The following ARHGEF6 variants were observed in gnomAD, a reference collection of about 807,000 sequenced individuals.
ARHGEF6 encodes the protein rho guanine nucleotide exchange factor 6.
Under a neutral mutation model 70.3 loss-of-function variants are expected in ARHGEF6, and 9 were observed. The observed-to-expected ratio is 0.13, with a 90% CI of 0.08 to 0.22. The LOEUF is 0.22. ARHGEF6 is among the 10% of genes least tolerant of loss of function. The pLI is 1.00. For missense variants in ARHGEF6, 470 were observed against 563.0 expected, an observed-to-expected ratio of 0.83 and a Z score of 1.67; for synonymous variants, 201 against 207.8, an observed-to-expected ratio of 0.97 and a Z score of 0.28.
At chrX:136,704,036 A>G (rs1280942823) in intron 9 of ARHGEF6, among the ~76,000 whole-genome samples, 3 of 112,737 alleles carry the variant, frequency 2.7e-5, no homozygotes, top group African/African-American at 9.7e-5. Flanking sequence ...GTAAGAATCT[A>G]ATATCCAGAA....
chrX:136,726,421 C>T (rs978640107), intron 6 of ARHGEF6, among the ~76,000 whole-genome samples: 7 of 110,991 alleles, frequency 6.3e-5, no homozygotes, highest in Admixed American at 3.8e-4. Flanking sequence ...GAAATAAGAG[C>T]GGATATGGAA....
intron 19 of ARHGEF6, among the ~76,000 whole-genome samples, chrX:136,673,526 T>C (rs1310433333): frequency 8.9e-6 from 1 of 111,864 alleles, no homozygotes; most frequent in Non-Finnish European, 1.9e-5. Flanking sequence ...AATATCTGGC[T>C]GCACTTCCCA....
chrX:136,669,378 C>G, intron 21 of ARHGEF6, 104 bp downstream of exon 21: 3 of 731,711 alleles, frequency 4.1e-6, no homozygotes, highest in Non-Finnish European at 6.4e-6. Context: ...AAAAATCCCC[C>G]CTCGCTACCT....
At chrX:136,772,064 G>A (rs976214844) in intron 2 of ARHGEF6, among the ~76,000 whole-genome samples, 1 of 112,361 alleles carries the variant, frequency 8.9e-6, no homozygotes, top group Non-Finnish European at 1.9e-5. Flanking sequence ...ACACAATGGA[G>A]TACTATTCAG....
At chrX:136,718,395 T>C (rs1446065913) in intron 6 of ARHGEF6, among the ~76,000 whole-genome samples, 1 of 110,951 alleles carries the variant, frequency 9.0e-6, no homozygotes, top group Non-Finnish European at 1.9e-5. Context: ...TGAAAACTCT[T>C]CCATCAAAAT....
chrX:136,686,625 C>CACAT (rs2076395419), intron 11 of ARHGEF6, among the ~76,000 whole-genome samples: 1 of 54,990 alleles, frequency 1.8e-5, no homozygotes, highest in African/African-American at 9.6e-5. Context: ...TATATATACA[C>CACAT]ATATATATAT....
intron 6 of ARHGEF6, among the ~76,000 whole-genome samples, chrX:136,731,420 G>A (rs1365856798): frequency 8.9e-6 from 1 of 112,003 alleles, no homozygotes; most frequent in African/African-American, 3.2e-5. Context: ...GGGAAACTTA[G>A]AGGTTAATCA....
chrX:136,732,552 C>A (rs140524033), intron 5 of ARHGEF6, among the ~76,000 whole-genome samples: 3 of 112,328 alleles, frequency 2.7e-5, no homozygotes, highest in Non-Finnish European at 5.6e-5. Context: ...GTTCAACTTA[C>A]GATTTTTCAA....
intron 9 of ARHGEF6, among the ~76,000 whole-genome samples, chrX:136,697,927 TTAA>T (rs1352669943): frequency 3.6e-5 from 4 of 112,103 alleles, no homozygotes; most frequent in Non-Finnish European, 7.5e-5. Flanking sequence ...AATGTCAGAC[TTAA>T]TAAAGTCTTC....
intron 18 of ARHGEF6, 27 bp downstream of exon 18, chrX:136,676,597 A>T (rs2076283696): frequency 9.2e-7 from 1 of 1,085,350 alleles, no homozygotes; most frequent in Non-Finnish European, 1.3e-6. Flanking sequence ...ATCCATAAAC[A>T]ACTTTCAGAA....
At chrX:136,729,429 C>T (rs1270284120) in intron 6 of ARHGEF6, among the ~76,000 whole-genome samples, 2 of 88,798 alleles carry the variant, frequency 2.3e-5, no homozygotes, top group Non-Finnish European at 4.2e-5. Context: ...GATCATGCCA[C>T]TGCACTCCAG....
chrX:136,686,647 CATATATATATACACATGTGT>C (rs1206481650), intron 11 of ARHGEF6, among the ~76,000 whole-genome samples: 50 of 57,994 alleles, frequency 8.6e-4, no homozygotes, highest in Non-Finnish European at 1.4e-3. Context: ...TATATACACA[CATATATATATACACATGTGT>C]ATATATATAT....
At chrX:136,717,654 T>C (rs2076750343) in intron 6 of ARHGEF6, among the ~76,000 whole-genome samples, 1 of 112,054 alleles carries the variant, frequency 8.9e-6, no homozygotes, top group African/African-American at 3.2e-5. Flanking sequence ...TATGTGTGTG[T>C]ATATACTAAT....
rs764648461 is a variant in ARHGEF6 at position 136,729,138 on chromosome X, C to T, written c.732+2964G>A. Reference sequence around the variant, plus strand: ...TACACAGGACCAAAATAAAGGGAGCCCTGGGCTGGCAAAGACTCATTAAAT... The same window carrying T: ...TACACAGGACCAAAATAAAGGGAGCTCTGGGCTGGCAAAGACTCATTAAAT... On this transcript the variant is annotated intron_variant, in intron 6 of 21. Coordinates refer to ENST00000250617, the MANE Select transcript of ARHGEF6 (RefSeq NM_004840.3). Among the ~76,000 whole-genome samples the T allele has an allele frequency of 4.0e-5, 4 of 101,175 alleles. No homozygotes were observed. In the East Asian group the frequency reaches 1.3e-3, roughly 32 times the overall value. The allele number at this position is 101,175 out of a possible 115,157, so 87.9% of individuals were successfully genotyped here.
intron 9 of ARHGEF6, among the ~76,000 whole-genome samples, 158 bp downstream of exon 9, chrX:136,706,750 A>T (rs766036505): frequency 8.9e-6 from 1 of 112,263 alleles, no homozygotes; most frequent in South Asian, 3.7e-4. Flanking sequence ...GAATTTATTC[A>T]TTGGATTAAT....
chrX:136,703,431 G>A (rs963073634), intron 9 of ARHGEF6, among the ~76,000 whole-genome samples: 3 of 112,512 alleles, frequency 2.7e-5, no homozygotes, highest in Non-Finnish European at 3.8e-5. Context: ...ACCGTGTGTT[G>A]AGCAAGTCTA....
chrX:136,703,393 A>AT (rs1257475984), intron 9 of ARHGEF6, among the ~76,000 whole-genome samples: 1 of 112,485 alleles, frequency 8.9e-6, no homozygotes, highest in Non-Finnish European at 1.9e-5. Context: ...AGATAATTGC[A>AT]TTTTTTACAA....
At chrX:136,736,504 A>G (rs2076986517) in intron 5 of ARHGEF6, among the ~76,000 whole-genome samples, 1 of 111,274 alleles carries the variant, frequency 9.0e-6, no homozygotes, top group South Asian at 3.8e-4. Context: ...AATTGGTGAC[A>G]ATGGCTTCAT....
intron 13 of ARHGEF6, 65 bp downstream of exon 13, chrX:136,682,693 G>T: frequency 1.1e-6 from 1 of 878,358 alleles, no homozygotes; most frequent in Non-Finnish European, 1.7e-6. Flanking sequence ...TGGAGATATT[G>T]CATCTGGATG....
Sources: allele counts gnomAD v4.1 joint callset (sites outside exome capture counted in the v4.1 genomes callset), GRCh38; gene constraint gnomAD v4.1.1; transcripts MANE v1.5; gene names NCBI Gene and HGNC (gene_info 2026-07-23, HGNC 2026-07-21).